PPEF2: variants seen among roughly 807,000 people sequenced by gnomAD.
PPEF2 encodes serine/threonine-protein phosphatase with EF-hands 2.
Under a neutral mutation model 84.7 loss-of-function variants are expected in PPEF2, and 84 were observed. The ratio of observed to expected loss-of-function variants is 0.99; its 90% CI spans 0.83 to 1.19. PPEF2 has a LOEUF of 1.19. Among genes scored for constraint, PPEF2 ranks in the 50% most tolerant of loss-of-function variants. PPEF2 has a pLI of 0.00. For missense variants in PPEF2, 924 were observed against 937.5 expected (o/e 0.99, Z 0.19); for synonymous variants, 346 against 345.2 (o/e 1.00, Z -0.03).
intron 1 of PPEF2, among the ~76,000 whole-genome samples, chr4:75,898,190 C>T (rs546389454): frequency 4.9e-4 from 75 of 152,348 alleles, no homozygotes; most frequent in African/African-American, 1.8e-3. Context: ...CAGATGTTCC[C>T]TGCCCTCATT....
intron 13 of PPEF2, 130 bp from the exon 14 acceptor site, chr4:75,867,549 C>T (rs746154613): frequency 6.5e-6 from 4 of 619,932 alleles, no homozygotes; most frequent in Non-Finnish European, 5.6e-6. Flanking sequence ...CGAGGGAGAG[C>T]GCCTTTACTC....
chr4:75,869,786 G>A (rs1724224545), intron 13 of PPEF2, among the ~76,000 whole-genome samples: 1 of 152,088 alleles, frequency 6.6e-6, no homozygotes, highest in African/African-American at 2.4e-5. Flanking sequence ...GGTCGAGGCT[G>A]CAGTGATCTG....
intron 6 of PPEF2, among the ~76,000 whole-genome samples, chr4:75,887,964 T>A (rs762676342): frequency 4.6e-5 from 7 of 152,170 alleles, no homozygotes; most frequent in Non-Finnish European, 8.8e-5. Flanking sequence ...AGAACATGAG[T>A]TTGAGTCAGT....
chr4:75,882,768 T>C (rs1724609158), intron 10 of PPEF2, 158 bp downstream of exon 10: 1 of 723,390 alleles, frequency 1.4e-6, no homozygotes, highest in Admixed American at 3.0e-5. Context: ...GCTGAGTTTA[T>C]AGGTGTGAGA....
At position 75,867,328 on chromosome 4, in the gene PPEF2, C is replaced by G; in HGVS notation, c.1741G>C (p.Asp581His). ...SDLLSEFKKHDADKVGLITLS... is the reference protein window; with the variant it reads ...SDLLSEFKKHHADKVGLITLS... ...TCATTCTTACCGACTTTATCTGCAT[C>G]ATGCTTCTTAAATTCACTGAGAAGA... is the stretch of plus-strand genomic sequence containing the variant. Residue 581 changes from aspartate (D) to histidine (H), a missense_variant, in exon 14 of 17, where the codon GAT becomes CAT. Coordinates refer to ENST00000286719, the MANE Select transcript of PPEF2 (RefSeq NM_006239.3). The G allele has an allele frequency of 6.2e-7, 1 of 1,613,262 alleles. No homozygotes were observed. Among genetic ancestry groups the G allele is most frequent in the South Asian group, 1.1e-5 (1 of 91,014 alleles).
chr4:75,860,843 A>T lies in PPEF2; in HGVS notation c.2086T>A (p.Cys696Ser). ...SHMNIDITDD[C>S]ICDLARSIDF... is the part of the protein sequence containing the mutation. Reference sequence around the variant, plus strand: ...ATGCTCCGAGCAAGGTCACAGATGCAGTCATCTGTAATGTCGATATTCATG... The same window carrying T: ...ATGCTCCGAGCAAGGTCACAGATGCTGTCATCTGTAATGTCGATATTCATG... The change falls in exon 17 of 17, where the codon TGC becomes AGC. Residue 696 changes from cysteine to serine, a missense_variant. Transcript: ENST00000286719. The T allele has an allele frequency of 6.2e-7, 1 of 1,614,154 alleles. No homozygotes were observed. Among genetic ancestry groups the T allele is most frequent in the Non-Finnish European group, 8.5e-7 (1 of 1,179,934 alleles).
intron 11 of PPEF2, 141 bp downstream of exon 11, chr4:75,876,146 C>T: frequency 9.3e-7 from 1 of 1,073,888 alleles, no homozygotes; most frequent in Non-Finnish European, 1.3e-6. Flanking sequence ...AGTCATTAGG[C>T]AAATACTAGT....
intron 2 of PPEF2, among the ~76,000 whole-genome samples, chr4:75,892,579 G>A (rs935682144): frequency 4.6e-5 from 7 of 152,172 alleles, no homozygotes; most frequent in Admixed American, 2.0e-4. Flanking sequence ...TAGCAACTGT[G>A]TCCCAGCTCC....
chr4:75,886,781 A>T (rs1724736977), intron 7 of PPEF2, 71 bp downstream of exon 7: 2 of 866,386 alleles, frequency 2.3e-6, no homozygotes, highest in South Asian at 3.7e-5. Flanking sequence ...GCATTTGTTC[A>T]ATTGATACTG....
intron 7 of PPEF2, among the ~76,000 whole-genome samples, chr4:75,885,504 A>G (rs561890928): frequency 6.6e-6 from 1 of 152,328 alleles, no homozygotes; most frequent in South Asian, 2.1e-4. Flanking sequence ...AAAATGTACT[A>G]GAATATAATG....
In PPEF2 at chr4:75,873,244, T is replaced by C; in HGVS notation, c.1389A>G (p.Gly463=). 1 of 1,614,120 alleles carries C rather than the reference T, an allele frequency of 6.2e-7. No homozygotes were observed. The highest frequency in any genetic ancestry group is 1.7e-5 in the Admixed American group (1 of 60,014). Residue 463 remains glycine (G), a synonymous_variant, in exon 12 of 17, where the codon GGA becomes GGG. Transcript: ENST00000286719. ...TCACATCAGGCCCAAAATAACAGCC[T>C]CCTCCTCGAATAGTGTTGGCCTTGC... The part of the protein sequence containing the change: ...EGCKANTIRG[G]GCYFGPDVTQ...
chr4:75,897,630 C>G (rs1233269358), intron 1 of PPEF2, among the ~76,000 whole-genome samples: 2 of 152,132 alleles, frequency 1.3e-5, no homozygotes, highest in African/African-American at 4.8e-5. Context: ...AAAGAATTAG[C>G]TGGGTGTGGT....
At chr4:75,870,956 G>A (rs533905440) in intron 13 of PPEF2, among the ~76,000 whole-genome samples, 227 of 150,014 alleles carry the variant, frequency 1.5e-3, no homozygotes, top group Non-Finnish European at 1.8e-3. Context: ...TTGCTCTGTC[G>A]CCCAGGCTGG....
Position 75,860,380 on chromosome 4 carries a change from A to G in PPEF2, c.*287T>C, listed in dbSNP as rs1002018915. The G allele has an allele frequency of 1.2e-5, 5 of 409,354 alleles. No individual in the cohort carries two copies. The highest frequency in any genetic ancestry group is 1.0e-4 in the African/African-American group (5 of 50,154). The allele number at this position is 409,354 out of a possible 1,614,324, so 25.4% of individuals were successfully genotyped here. A position where few individuals can be genotyped will look rare whatever the true frequency, so the allele number is the denominator to read the frequency against. On this transcript the variant is annotated 3_prime_UTR_variant, in exon 17 of 17. Coordinates refer to ENST00000286719, the MANE Select transcript of PPEF2 (RefSeq NM_006239.3). ...AAAATGAAAACAATGAGAGAGTTAC[A>G]TTGTCAGTGGTTCTTAACTGAAGTG...
chr4:75,898,073 G>A (rs28453978), intron 1 of PPEF2, among the ~76,000 whole-genome samples: 21,070 of 152,276 alleles, frequency 0.14, 1,615 homozygotes, highest in Non-Finnish European at 0.18. Context: ...AAAGGAATAA[G>A]TTGGGCTAGT....
chr4:75,873,052 T>TG, intron 12 of PPEF2, 75 bp downstream of exon 12: 1 of 1,383,536 alleles, frequency 7.2e-7, no homozygotes. Context: ...TGAGAGCCTT[T>TG]GCTCATCCAG....
intron 14 of PPEF2, 76 bp from the exon 15 acceptor site, chr4:75,866,428 C>A: frequency 1.3e-6 from 2 of 1,528,028 alleles, no homozygotes; most frequent in Admixed American, 1.9e-5. Flanking sequence ...ATATTTTTAT[C>A]CTGACATCCT....
Position 75,883,219 on chromosome 4 carries a change from A to G in PPEF2, c.747-17T>C. 6.2e-7 allele frequency: 1 copy of G among 1,608,850 alleles called. No homozygotes were observed. Among genetic ancestry groups the G allele is most frequent in the South Asian group, 1.1e-5 (1 of 90,976 alleles). ...AAGCCATATCTAGATTTAGAAGCACAAATAGATATTAGAGTAAACTGGGTG... is the reference window on the plus strand; with the variant it reads ...AAGCCATATCTAGATTTAGAAGCACGAATAGATATTAGAGTAAACTGGGTG... On this transcript the variant is annotated splice_polypyrimidine_tract_variant and intron_variant, in intron 8 of 16. Coordinates refer to ENST00000286719, the MANE Select transcript of PPEF2 (RefSeq NM_006239.3).
chr4:75,901,388 T>C (rs976090939), intron 1 of PPEF2, among the ~76,000 whole-genome samples: 1 of 151,964 alleles, frequency 6.6e-6, no homozygotes, highest in Non-Finnish European at 1.5e-5. Flanking sequence ...TGGTGGCACA[T>C]GCCTATAATA....
Sources: allele counts gnomAD v4.1 joint callset (sites outside exome capture counted in the v4.1 genomes callset), GRCh38; gene constraint gnomAD v4.1.1; transcripts MANE v1.5; gene names NCBI Gene and HGNC (gene_info 2026-07-23, HGNC 2026-07-21).